The following COBLL1 variants were observed in gnomAD, a reference collection of about 807,000 sequenced individuals.
COBLL1 encodes the protein cordon-bleu protein-like 1.
Under a neutral mutation model 94.8 loss-of-function variants are expected in COBLL1, and 50 were observed. That is an observed-to-expected ratio of 0.53 (90% CI 0.42 to 0.67). COBLL1 has a LOEUF of 0.67. Among genes scored for constraint, COBLL1 ranks in the 30% least tolerant of loss-of-function variants. The pLI, the probability that COBLL1 is intolerant of heterozygous loss-of-function variation, is 0.00. For synonymous variants in COBLL1, 448 were observed against 473.8 expected (o/e 0.95, Z 0.71); for missense variants, 1,362 against 1,348.7 (o/e 1.01, Z -0.15).
chr2:164,724,626 CAATAT>C (rs1685625585), intron 5 of COBLL1: 1 of 151,852 alleles, frequency 6.6e-6, no homozygotes, highest in South Asian at 2.1e-4. Context: ...TGGTAAATCA[CAATAT>C]AATTTCAATA....
intron 3 of COBLL1, among the ~76,000 whole-genome samples, chr2:164,742,814 C>G (rs372658326): frequency 6.6e-6 from 1 of 151,140 alleles, no homozygotes; most frequent in South Asian, 2.1e-4. Flanking sequence ...AATGCAATAC[C>G]CAATATATTC....
intron 2 of COBLL1, among the ~76,000 whole-genome samples, chr2:164,788,130 C>T (rs1298797407): frequency 6.6e-6 from 1 of 152,156 alleles, no homozygotes; most frequent in Admixed American, 6.5e-5. Flanking sequence ...GTAGAAGGAT[C>T]TCCCAAACTT....
At chr2:164,743,169 T>TA (rs1228040755) in intron 3 of COBLL1, 1 of 152,084 alleles carries the variant, frequency 6.6e-6, no homozygotes, top group Non-Finnish European at 1.5e-5. Context: ...TTCAATGAAA[T>TA]AAAAAAACTG....
chr2:164,794,967 A>G (rs946062607), intron 2 of COBLL1, among the ~76,000 whole-genome samples: 6 of 152,244 alleles, frequency 3.9e-5, no homozygotes, highest in African/African-American at 1.2e-4. Context: ...ATCAATGCCA[A>G]GAGCAAGAGC....
At position 164,694,333 on chromosome 2, in the gene COBLL1, T is replaced by A. The variant is rs754836751; in HGVS notation, c.3059A>T (p.Glu1020Val). 9 of 1,613,864 alleles carry A rather than the reference T, an allele frequency of 5.6e-6. No homozygotes were observed. The East Asian group carries it at 2.0e-4, about 36-fold the overall frequency. ...SALVQPPANT[E>V]EGKTHSVNKF... is the part of the protein sequence containing the mutation. ...ATTTACAGAATGAGTCTTCCCTTCC[T>A]CTGTGTTGGCTGGAGGTTGGACCAA... The change falls in exon 12 of 14, where the codon GAG (glutamate) becomes GTG (valine). Residue 1020 changes from glutamate (E) to valine (V), a missense_variant. Coordinates refer to ENST00000652658, the MANE Select transcript of COBLL1 (RefSeq NM_001365672.2).
chr2:164,740,462 C>T (rs1048442249), intron 3 of COBLL1, among the ~76,000 whole-genome samples: 4 of 152,180 alleles, frequency 2.6e-5, no homozygotes, highest in African/African-American at 9.7e-5. Context: ...GCATTCCATT[C>T]CTACCTTGCT....
At chr2:164,762,776 A>T (rs2105226701) in intron 2 of COBLL1, among the ~76,000 whole-genome samples, 1 of 147,962 alleles carries the variant, frequency 6.8e-6, no homozygotes, top group East Asian at 2.0e-4. Context: ...GACTCACTGC[A>T]AGCTCCGCCT....
At chr2:164,695,881 A>T in intron 11 of COBLL1, 45 bp from the exon 12 acceptor site, 1 of 1,461,818 alleles carries the variant, frequency 6.8e-7, no homozygotes, top group African/African-American at 1.4e-5. Context: ...AAGAAGTAGA[A>T]AACCTCAAGT....
chr2:164,689,484 A>G (rs1012419352), intron 13 of COBLL1, among the ~76,000 whole-genome samples: 5 of 152,194 alleles, frequency 3.3e-5, no homozygotes, highest in African/African-American at 4.8e-5. Context: ...GAACAGAAAC[A>G]TAAGACTTAA....
intron 2 of COBLL1, among the ~76,000 whole-genome samples, chr2:164,756,710 A>G (rs370291009): frequency 6.6e-6 from 1 of 152,162 alleles, no homozygotes; most frequent in African/African-American, 2.4e-5. Context: ...ATACAGTGTA[A>G]TCTTCCAGTG....
chr2:164,713,090 C>T (rs1418062324), intron 7 of COBLL1, among the ~76,000 whole-genome samples: 1 of 152,074 alleles, frequency 6.6e-6, no homozygotes, highest in Non-Finnish European at 1.5e-5. Flanking sequence ...TCCTGTATCT[C>T]CCTGTGCTAC....
intron 2 of COBLL1, among the ~76,000 whole-genome samples, chr2:164,790,041 T>C (rs1683106379): frequency 6.6e-6 from 1 of 152,234 alleles, no homozygotes; most frequent in Non-Finnish European, 1.5e-5. Flanking sequence ...TTCAGATTCT[T>C]GAATAATGTT....
intron 2 of COBLL1, among the ~76,000 whole-genome samples, chr2:164,787,840 G>A (rs1010748093): frequency 6.6e-5 from 10 of 152,038 alleles, no homozygotes; most frequent in African/African-American, 1.2e-4. Flanking sequence ...TCTGAAAAAC[G>A]TAAACCCTGC....
At position 164,772,584 on chromosome 2, in the gene COBLL1, C is replaced by T. The variant is rs186265143; in HGVS notation, c.42-28709G>A. 2.7e-4 allele frequency among the ~76,000 whole-genome samples: 41 copies of T among 152,084 alleles called. 1 individual carries two copies. Among genetic ancestry groups the T allele is most frequent in the Non-Finnish European group, 7.4e-5 (5 of 67,908 alleles). On this transcript the variant is annotated intron_variant, in intron 2 of 13. Coordinates refer to ENST00000652658, the MANE Select transcript of COBLL1 (RefSeq NM_001365672.2). The stretch of plus-strand genomic sequence containing the variant: ...GAAGACTTCTTTAAATACTAATTAG[C>T]TCTGTTAGAAGAAATACTTTATACC...
intron 9 of COBLL1, among the ~76,000 whole-genome samples, chr2:164,702,359 C>T (rs954908144): frequency 1.9e-4 from 29 of 151,592 alleles, no homozygotes; most frequent in African/African-American, 2.2e-4. Flanking sequence ...GTCAGGAGAT[C>T]GAGACCATCC....
chr2:164,678,838 A>G (rs1383466599), downstream of COBLL1, among the ~76,000 whole-genome samples: 2 of 152,202 alleles, frequency 1.3e-5, no homozygotes, highest in African/African-American at 4.8e-5. Context: ...TTGGAGGACT[A>G]AAATTGTCTT....
At chr2:164,689,174 A>G (rs1683462351) in intron 13 of COBLL1, among the ~76,000 whole-genome samples, 1 of 152,134 alleles carries the variant, frequency 6.6e-6, no homozygotes, top group African/African-American at 2.4e-5. Context: ...GAAAAAAAAC[A>G]TGGCATATTT....
At chr2:164,753,979 T>A (rs1441786482) in intron 2 of COBLL1, among the ~76,000 whole-genome samples, 1 of 152,000 alleles carries the variant, frequency 6.6e-6, no homozygotes, top group Non-Finnish European at 1.5e-5. Flanking sequence ...ATGATCCACT[T>A]GCCTCGGCCT....
intron 10 of COBLL1, 43 bp from the exon 11 acceptor site, chr2:164,699,542 AAC>A (rs756304905): frequency 2.6e-6 from 3 of 1,134,720 alleles, no homozygotes; most frequent in South Asian, 2.5e-5. Context: ...ATACTATTGA[AAC>A]ACACACATAC....
Sources: gnomAD v4.1 joint callset for allele counts (sites outside exome capture counted in the v4.1 genomes callset) on GRCh38, gnomAD v4.1.1 for gene constraint, MANE v1.5 for transcripts, NCBI Gene and HGNC (gene_info 2026-07-23, HGNC 2026-07-21) for gene names.